Variants in ARL5A observed in about 807,000 individuals in gnomAD.
ARL5A encodes ADP-ribosylation factor-like protein 5A.
Under a neutral mutation model 25.9 loss-of-function variants are expected in ARL5A, and 18 were observed. The observed-to-expected ratio is 0.69, with a 90% CI of 0.48 to 1.03. The LOEUF is 1.03. Ranked by LOEUF, ARL5A falls within the 50% of genes least tolerant of loss-of-function variation. The pLI, the probability that ARL5A is intolerant of heterozygous loss-of-function variation, is 0.00. For synonymous variants in ARL5A, 61 were observed against 67.5 expected (o/e 0.90, Z 0.47); for missense variants, 170 against 211.9 (o/e 0.80, Z 1.23).
In ARL5A at chr2:151,802,496, A is replaced by G. The variant is rs957052838; in HGVS notation, c.*780T>C. On this transcript the variant is annotated 3_prime_UTR_variant, in exon 6 of 6. Transcript: ENST00000295087. The stretch of plus-strand genomic sequence containing the variant: ...ACAATCCTGCCTATTAGTAATACTA[A>G]GCCAAGAATCTGCTAGCTTTCCCAC... 6.6e-6 allele frequency: 1 copy of G among 152,132 alleles called. No homozygotes were observed. The highest frequency in any genetic ancestry group is 2.4e-5 in the African/African-American group (1 of 41,430). The allele number at this position is 152,132 out of a possible 1,614,324, so 9.4% of individuals were successfully genotyped here.
At position 151,815,162 on chromosome 2, in the gene ARL5A, C is replaced by T; in HGVS notation, c.84G>A (p.Gly28=). 1 of 1,607,192 alleles carries T rather than the reference C, an allele frequency of 6.2e-7. No homozygotes were observed. The highest frequency in any genetic ancestry group is 8.5e-7 in the Non-Finnish European group (1 of 1,176,882). The change falls in exon 2 of 6, where the codon GGG becomes GGA. Residue 28 remains glycine (G), a synonymous_variant. Transcript: ENST00000295087. ...ACAATTGGTAAAGAATGGTAGTTTTCCCTGCATTATCCAGCCCAACAATGA... is the reference window on the plus strand; with the variant it reads ...ACAATTGGTAAAGAATGGTAGTTTTTCCTGCATTATCCAGCCCAACAATGA... ...KVIIVGLDNA[G]KTTILYQFSM...
intron 1 of ARL5A, chr2:151,827,480 CCA>C (rs1165481253): frequency 1.3e-5 from 2 of 152,114 alleles, no homozygotes; most frequent in Non-Finnish European, 1.5e-5. Flanking sequence ...GTCTAATAAC[CCA>C]CACGAGTAGA....
chr2:151,803,363 T>C, intron 5 of ARL5A, 39 bp from the exon 6 acceptor site: 1 of 1,497,460 alleles, frequency 6.7e-7, no homozygotes, highest in Non-Finnish European at 9.3e-7. Context: ...AATTCTGAAC[T>C]AAGAAGCTAT....
rs145485117 is a variant in ARL5A at position 151,817,465 on chromosome 2, T to C, written c.47-2266A>G. ...TTATAACACCTCAGAGTAAGATCTT[T>C]ATAATTCAAATGGTAGATGTTTTCC... On this transcript the variant is annotated intron_variant, in intron 1 of 5. Transcript: ENST00000295087. 2.2e-3 allele frequency among the ~76,000 whole-genome samples: 336 copies of C among 152,372 alleles called. 1 individual carries two copies. The highest frequency in any genetic ancestry group is 7.2e-3 in the African/African-American group (300 of 41,588).
chr2:151,812,510 T>C lies in ARL5A; in HGVS notation c.256-70A>G, dbSNP rs976946459. 9 of 994,624 alleles carry C rather than the reference T, an allele frequency of 9.0e-6. No individual in the cohort carries two copies. In the African/African-American group the frequency reaches 1.5e-4, roughly 17 times the overall value. The allele number at this position is 994,624 out of a possible 1,614,324, so 61.6% of individuals were successfully genotyped here. On this transcript the variant is annotated intron_variant, in intron 3 of 5. Coordinates refer to ENST00000295087, the MANE Select transcript of ARL5A (RefSeq NM_012097.4). ...ATCTGTAAAATTTATAATGTGTTTA[T>C]TTGACATACAGGCTATTAATATCAA... is the stretch of plus-strand genomic sequence containing the variant.
intron 4 of ARL5A, 123 bp from the exon 5 acceptor site, chr2:151,807,095 T>A: frequency 1.2e-6 from 1 of 829,140 alleles, no homozygotes; most frequent in East Asian, 2.6e-5. Context: ...CATAAAAGCA[T>A]CTCAGTGCCT....
chr2:151,823,241 A>C (rs987571466), intron 1 of ARL5A, among the ~76,000 whole-genome samples: 3 of 152,256 alleles, frequency 2.0e-5, no homozygotes, highest in African/African-American at 7.2e-5. Flanking sequence ...ATGAATAAAT[A>C]AATCAGATCT....
intron 5 of ARL5A, among the ~76,000 whole-genome samples, chr2:151,804,875 A>C (rs2099829889): frequency 6.6e-6 from 1 of 152,234 alleles, no homozygotes; most frequent in Non-Finnish European, 1.5e-5. Flanking sequence ...CCAATAATTT[A>C]GATCAAGGTA....
intron 1 of ARL5A, among the ~76,000 whole-genome samples, chr2:151,818,965 G>C (rs1029303623): frequency 6.6e-6 from 1 of 151,904 alleles, no homozygotes; most frequent in African/African-American, 2.4e-5. Flanking sequence ...TTAGCTACGG[G>C]GCAGAATTTA....
At chr2:151,824,881 G>C (rs750374851) in intron 1 of ARL5A, among the ~76,000 whole-genome samples, 8 of 152,136 alleles carry the variant, frequency 5.3e-5, no homozygotes, top group Non-Finnish European at 8.8e-5. Flanking sequence ...TTTACCTATA[G>C]TGCTTAAAGC....
At chr2:151,823,432 TG>T (rs891535455) in intron 1 of ARL5A, among the ~76,000 whole-genome samples, 45 of 151,498 alleles carry the variant, frequency 3.0e-4, no homozygotes, top group African/African-American at 1.0e-3. Context: ...ATGAGGTTGC[TG>T]AAAAAAAAAA....
intron 1 of ARL5A, among the ~76,000 whole-genome samples, chr2:151,821,775 C>CTTTTTTTTT (rs760341359): frequency 2.8e-4 from 32 of 113,532 alleles, no homozygotes; most frequent in African/African-American, 1.0e-3. Context: ...GCCCGGCTTT[C>CTTTTTTTTT]TTTTTTTTTT....
intron 1 of ARL5A, among the ~76,000 whole-genome samples, chr2:151,821,686 C>A (rs2099832325): frequency 6.6e-6 from 1 of 152,024 alleles, no homozygotes; most frequent in Non-Finnish European, 1.5e-5. Context: ...CTCAATGAAA[C>A]CTCTACCTCC....
intron 5 of ARL5A, among the ~76,000 whole-genome samples, chr2:151,805,341 G>T (rs981915676): frequency 1.3e-5 from 2 of 151,652 alleles, no homozygotes; most frequent in South Asian, 4.2e-4. Flanking sequence ...ACCCTTCATC[G>T]TGGTCTTGAA....
At chr2:151,817,139 C>T (rs1162995673) in intron 1 of ARL5A, among the ~76,000 whole-genome samples, 1 of 152,254 alleles carries the variant, frequency 6.6e-6, no homozygotes, top group Non-Finnish European at 1.5e-5. Context: ...TACAGCTACT[C>T]ATGGTATCAC....
intron 1 of ARL5A, among the ~76,000 whole-genome samples, chr2:151,817,570 A>C (rs149004876): frequency 2.1e-4 from 32 of 152,368 alleles, no homozygotes; most frequent in African/African-American, 7.0e-4. Context: ...AGATCAAGTA[A>C]ATAAAACATT....
intron 5 of ARL5A, among the ~76,000 whole-genome samples, chr2:151,804,000 A>T (rs1374452957): frequency 6.6e-6 from 1 of 152,214 alleles, no homozygotes; most frequent in African/African-American, 2.4e-5. Flanking sequence ...ATGATGAAAT[A>T]TTTAAAATTT....
chr2:151,823,643 C>T (rs1191704138), intron 1 of ARL5A, among the ~76,000 whole-genome samples: 1 of 152,176 alleles, frequency 6.6e-6, no homozygotes, highest in African/African-American at 2.4e-5. Context: ...CCCCCTCCCT[C>T]CAGACTTAAG....
chr2:151,806,324 T>C (rs549565382), intron 5 of ARL5A, among the ~76,000 whole-genome samples: 1 of 152,324 alleles, frequency 6.6e-6, no homozygotes, highest in South Asian at 2.1e-4. Context: ...AGTGCATCAG[T>C]TCCAACAGTA....
Sources: gnomAD v4.1 joint callset for allele counts (sites outside exome capture counted in the v4.1 genomes callset) on GRCh38, gnomAD v4.1.1 for gene constraint, MANE v1.5 for transcripts, NCBI Gene and HGNC (gene_info 2026-07-23, HGNC 2026-07-21) for gene names.